PPFIBP1: variants seen among roughly 807,000 people sequenced by gnomAD.
PPFIBP1 encodes the protein PPFIB scaffold protein 1.
PPFIBP1 carries 112 observed loss-of-function variants against 137.8 expected under a neutral mutation model. That is an observed-to-expected ratio of 0.81 (90% CI 0.70 to 0.95). PPFIBP1 has a LOEUF of 0.95. Among genes scored for constraint, PPFIBP1 ranks in the 40% least tolerant of loss-of-function variants. The probability of loss-of-function intolerance (pLI) is 0.00; values close to 1 mark genes in which losing one functional copy is unlikely to be tolerated. For missense variants in PPFIBP1, 1,083 were observed against 1,196.6 expected (o/e 0.91, Z 1.40); for synonymous variants, 378 against 417.3 (o/e 0.91, Z 1.15).
At chr12:27,609,942 T>G (rs2054915677) in intron 2 of PPFIBP1, among the ~76,000 whole-genome samples, 2 of 152,188 alleles carry the variant, frequency 1.3e-5, no homozygotes. Context: ...CTATTGCTTT[T>G]TGAAAACAAG....
At chr12:27,649,925 T>G in intron 6 of PPFIBP1, 85 bp from the exon 7 acceptor site, 1 of 1,284,236 alleles carries the variant, frequency 7.8e-7, no homozygotes, top group East Asian at 2.4e-5. Context: ...TGATAGGTGC[T>G]GCTTTGTGCG....
At chr12:27,641,980 A>AATAAATAAATAAATAAATAAATAG (rs1555225027) in intron 4 of PPFIBP1, among the ~76,000 whole-genome samples, 23 of 145,000 alleles carry the variant, frequency 1.6e-4, no homozygotes, top group Non-Finnish European at 2.7e-4. Flanking sequence ...TAAATAAATA[A>AATAAATAAATAAATAAATAAATAG]ATAGAAGGCT....
At chr12:27,627,969 G>A (rs1027579331) in intron 2 of PPFIBP1, among the ~76,000 whole-genome samples, 2 of 151,954 alleles carry the variant, frequency 1.3e-5, no homozygotes, top group Non-Finnish European at 1.5e-5. Context: ...TCATTTCTCT[G>A]TTTACATCAC....
intron 2 of PPFIBP1, chr12:27,593,756 G>T: frequency 2.8e-6 from 2 of 709,150 alleles, no homozygotes; most frequent in Non-Finnish European, 4.6e-6. Context: ...CAGAGCCAAC[G>T]TCCATGTCCC....
Position 27,692,623 on chromosome 12 carries a change from A to G in PPFIBP1, c.2898A>G (p.Ile966Met), listed in dbSNP as rs1190705912. 1 of 1,614,064 alleles carries G rather than the reference A, an allele frequency of 6.2e-7. No individual in the cohort carries two copies. ...ATTCAGAAGGGACAGTGAGACAGAT[A>G]GGTGCATTCTCTGAAGGCATCAACA... ...MEDSEGTVRQIGAFSEGINNL... is the reference protein window; with the variant it reads ...MEDSEGTVRQMGAFSEGINNL... Residue 966 changes from isoleucine to methionine, a missense_variant, in exon 29 of 30, where the codon ATA (isoleucine) becomes ATG (methionine). Ile to Met is a conservative substitution (Grantham distance 10). Coordinates refer to ENST00000228425, the MANE Select transcript of PPFIBP1 (RefSeq NM_003622.4).
chr12:27,667,369 C>T (rs2033024), intron 13 of PPFIBP1, 49 bp downstream of exon 13: 1,348,891 of 1,435,384 alleles, frequency 0.94, 634,097 homozygotes, highest in South Asian at 0.97. Context: ...GACTGTGTTA[C>T]TGAAAAGTTA....
intron 1 of PPFIBP1, among the ~76,000 whole-genome samples, chr12:27,577,213 CT>C (rs34428994): frequency 0.12 from 17,217 of 143,224 alleles, 1,421 homozygotes; most frequent in East Asian, 0.41. Flanking sequence ...TTTTCTGAAG[CT>C]TTTTTTTTTT....
At chr12:27,630,555 C>T (rs2057189348) in intron 2 of PPFIBP1, among the ~76,000 whole-genome samples, 1 of 152,130 alleles carries the variant, frequency 6.6e-6, no homozygotes, top group Non-Finnish European at 1.5e-5. Flanking sequence ...AAAAACTAAT[C>T]TGATGATCTC....
intron 13 of PPFIBP1, among the ~76,000 whole-genome samples, chr12:27,670,788 A>ATAATAATAATAATAAT (rs57738136): frequency 0.023 from 3,114 of 134,158 alleles, 52 homozygotes; most frequent in East Asian, 0.035. Context: ...CAAAAAAAAA[A>ATAATAATAATAATAAT]AAAAAAAATA....
At chr12:27,660,779 C>G in intron 10 of PPFIBP1, 105 bp from the exon 11 acceptor site, 5 of 1,450,616 alleles carry the variant, frequency 3.4e-6, no homozygotes, top group Non-Finnish European at 4.6e-6. Context: ...TGAAAGAAAT[C>G]ATTAACATCT....
intron 27 of PPFIBP1, among the ~76,000 whole-genome samples, chr12:27,691,035 TCCAGTGACCAAC>T (rs2061503353): frequency 6.6e-6 from 1 of 150,756 alleles, no homozygotes. Flanking sequence ...TGCCTGAGTA[TCCAGTGACCAAC>T]CCAGTGACCA....
At chr12:27,664,327 A>T in intron 11 of PPFIBP1, 35 bp from the exon 12 acceptor site, 1 of 1,359,436 alleles carries the variant, frequency 7.4e-7, no homozygotes, top group African/African-American at 1.4e-5. Flanking sequence ...TTTTAAGAAC[A>T]TAGGATTAAA....
chr12:27,571,922 C>T (rs771732547), intron 1 of PPFIBP1, among the ~76,000 whole-genome samples: 1 of 152,132 alleles, frequency 6.6e-6, no homozygotes, highest in Non-Finnish European at 1.5e-5. Context: ...AGTCATTTCT[C>T]TCACATTTTC....
chr12:27,629,357 C>A (rs1487005338), intron 2 of PPFIBP1, among the ~76,000 whole-genome samples: 1 of 152,126 alleles, frequency 6.6e-6, no homozygotes, highest in Non-Finnish European at 1.5e-5. Flanking sequence ...ACTTGTGTAA[C>A]CTATATCTCA....
intron 1 of PPFIBP1, among the ~76,000 whole-genome samples, chr12:27,551,391 G>T (rs1409158069): frequency 1.3e-5 from 2 of 152,120 alleles, no homozygotes; most frequent in African/African-American, 4.8e-5. Context: ...TACTACGAAG[G>T]TCTAAACCTG....
In PPFIBP1 at chr12:27,689,129, GAGGCACAGCACC is replaced by G. The variant is rs1478695434; in HGVS notation, c.2614_2625del (p.Ala872_Gln875del). On this transcript the variant is annotated inframe_deletion, in exon 27 of 30. Coordinates refer to ENST00000228425, the MANE Select transcript of PPFIBP1 (RefSeq NM_003622.4). ...TCATTTCAACCTTCTGATTGGGGCT[GAGGCACAGCACC>G]AGAAGCGAGATGCCATGGAGCTGCC... The G allele has an allele frequency of 1.2e-6, 2 of 1,603,648 alleles. No homozygotes were observed. The highest frequency in any genetic ancestry group is 2.3e-5 in the South Asian group (2 of 88,250).
At chr12:27,571,706 G>A (rs2050166295) in intron 1 of PPFIBP1, among the ~76,000 whole-genome samples, 1 of 152,110 alleles carries the variant, frequency 6.6e-6, no homozygotes, top group Non-Finnish European at 1.5e-5. Context: ...ATATACCAGT[G>A]GGCTGAAGTC....
At chr12:27,560,630 G>T (rs182308797) in intron 1 of PPFIBP1, among the ~76,000 whole-genome samples, 1 of 152,182 alleles carries the variant, frequency 6.6e-6, no homozygotes, top group Non-Finnish European at 1.5e-5. Context: ...GTGTGAGTGA[G>T]TTACTTACAT....
intron 27 of PPFIBP1, among the ~76,000 whole-genome samples, chr12:27,690,327 A>T (rs1448947531): frequency 6.6e-6 from 1 of 152,188 alleles, no homozygotes; most frequent in Non-Finnish European, 1.5e-5. Flanking sequence ...ATACTGAGGG[A>T]CAACTGAGTA....
Sources: gnomAD v4.1 joint callset for allele counts (sites outside exome capture counted in the v4.1 genomes callset) on GRCh38, gnomAD v4.1.1 for gene constraint, MANE v1.5 for transcripts, NCBI Gene and HGNC (gene_info 2026-07-23, HGNC 2026-07-21) for gene names.